Variants in ZNF738 observed in about 807,000 individuals in gnomAD.
The protein encoded by ZNF738 is zinc finger protein 738.
ZNF738 carries 10 observed loss-of-function variants against 9.2 expected under a neutral mutation model. The observed-to-expected ratio is 1.09, with a 90% confidence interval of 0.67 to 1.85. ZNF738 has a LOEUF of 1.85. ZNF738 is among the 40% of genes most tolerant of loss of function. The pLI is 0.00. For missense variants in ZNF738, 346 were observed against 283.6 expected (o/e 1.22, Z -1.58); for synonymous variants, 113 against 94.5 (o/e 1.20, Z -1.14).
At chr19:21,366,883 C>T (rs1231923056) in intron 2 of ZNF738, among the ~76,000 whole-genome samples, 2 of 152,120 alleles carry the variant, frequency 1.3e-5, no homozygotes, top group African/African-American at 4.8e-5. Context: ...TTCTTTACTG[C>T]AAGCTATTTT....
At position 21,362,515 on chromosome 19, in the gene ZNF738, T is replaced by C. The variant is rs1044159282; in HGVS notation, c.96+657T>C. Among the ~76,000 whole-genome samples the C allele has an allele frequency of 4.6e-5, 7 of 152,286 alleles. No individual in the cohort carries two copies. In the East Asian group the frequency reaches 5.8e-4, roughly 13 times the overall value. On this transcript the variant is annotated intron_variant, in intron 2 of 4. Coordinates refer to ENST00000683779, the MANE Select transcript of ZNF738 (RefSeq NM_001355237.2). ...TGGAAGGATCTCTCAAGTGATTGAA[T>C]GGCCTGACTTGAAACGTGAGTCAGA... is the stretch of plus-strand genomic sequence containing the variant.
chr19:21,363,664 G>A (rs1027435423), intron 2 of ZNF738, among the ~76,000 whole-genome samples: 4 of 151,928 alleles, frequency 2.6e-5, no homozygotes, highest in Admixed American at 6.6e-5. Flanking sequence ...CAAGGTGGGC[G>A]GATCACCTGA....
intron 4 of ZNF738, chr19:21,376,219 AGT>A (rs1200854582): frequency 3.1e-6 from 1 of 325,344 alleles, no homozygotes; most frequent in Non-Finnish European, 5.8e-6. Flanking sequence ...TCAAGTTCAC[AGT>A]GAGAGCCAGA....
intron 3 of ZNF738, 80 bp downstream of exon 3, chr19:21,375,444 G>A (rs1371956894): frequency 6.6e-6 from 4 of 605,116 alleles, no homozygotes; most frequent in Non-Finnish European, 1.2e-5. Flanking sequence ...ATTTTTGGTA[G>A]TTTATGCTTT....
At chr19:21,375,130 C>G (rs1973908062) in intron 2 of ZNF738, 108 bp from the exon 3 acceptor site, 1 of 601,170 alleles carries the variant, frequency 1.7e-6, no homozygotes, top group Admixed American at 3.0e-5. Flanking sequence ...TTCAGTTATT[C>G]CTGTAAGTCA....
At chr19:21,382,595 A>T (rs958306237) in intron 4 of ZNF738, among the ~76,000 whole-genome samples, 1 of 152,070 alleles carries the variant, frequency 6.6e-6, no homozygotes, top group African/African-American at 2.4e-5. Flanking sequence ...GTGTTGGGTA[A>T]GTGTAACAAA....
rs940613801 is a variant in ZNF738 at position 21,384,138 on chromosome 19, A to G, written c.*464A>G. The G allele has an allele frequency of 1.7e-5, 26 of 1,485,888 alleles. No homozygotes were observed. Among genetic ancestry groups the G allele is most frequent in the Non-Finnish European group, 2.2e-5 (24 of 1,068,538 alleles). 92.0% of individuals were successfully genotyped at this position (1,485,888 alleles called of 1,614,324 possible). ...ATTATCTTATCTTACTACACATAAGATGATTCATACTGTAGAGAAACGCTA... is the reference window on the plus strand; with the variant it reads ...ATTATCTTATCTTACTACACATAAGGTGATTCATACTGTAGAGAAACGCTA... On this transcript the variant is annotated 3_prime_UTR_variant, in exon 5 of 5. Coordinates refer to ENST00000683779, the MANE Select transcript of ZNF738 (RefSeq NM_001355237.2).
Position 21,376,060 on chromosome 19 carries a change from G to A in ZNF738, c.319+96G>A, listed in dbSNP as rs1361768857. 2.4e-5 allele frequency: 13 copies of A among 551,802 alleles called. No individual in the cohort carries two copies. In the Admixed American group the frequency reaches 3.0e-4, roughly 13 times the overall value. 34.2% of individuals were successfully genotyped at this position (551,802 alleles called of 1,614,324 possible). A position where few individuals can be genotyped will look rare whatever the true frequency, so the allele number is the denominator to read the frequency against. ...CCTATAATGTGATTTGGGAAGCTGT[G>A]TTCCAAAGCAAATAGATTCTGGGAA... On this transcript the variant is annotated intron_variant, in intron 4 of 4. Coordinates refer to ENST00000683779, the MANE Select transcript of ZNF738 (RefSeq NM_001355237.2).
intron 4 of ZNF738, chr19:21,382,067 T>TTTTC (rs1432099074): frequency 1.4e-3 from 15 of 10,754 alleles, no homozygotes; most frequent in African/African-American, 2.2e-3. Context: ...TCTTTCTTTC[T>TTTTC]TTTTTTTTTT....
At position 21,387,443 on chromosome 19, in the gene ZNF738, GC is replaced by G. The variant is rs1260451395; in HGVS notation, c.*3771del. On this transcript the variant is annotated 3_prime_UTR_variant, in exon 5 of 5. Coordinates refer to ENST00000683779, the MANE Select transcript of ZNF738 (RefSeq NM_001355237.2). The stretch of plus-strand genomic sequence containing the variant: ...ACCTCAGGTGATCCGCCCACCTCGG[GC>G]CTCCCAAAGTGCTGGGATTACAGGC... 2.6e-5 allele frequency among the ~76,000 whole-genome samples: 4 copies of G among 151,998 alleles called. No individual in the cohort carries two copies. The highest frequency in any genetic ancestry group is 4.4e-5 in the Non-Finnish European group (3 of 68,016).
At chr19:21,369,845 G>A (rs573300843) in intron 2 of ZNF738, among the ~76,000 whole-genome samples, 33 of 148,154 alleles carry the variant, frequency 2.2e-4, no homozygotes, top group Admixed American at 2.0e-3. Flanking sequence ...ACATAGTCTC[G>A]CACTCTCTCA....
At position 21,386,844 on chromosome 19, in the gene ZNF738, A is replaced by G. The variant is rs1974073951; in HGVS notation, c.*3170A>G. On this transcript the variant is annotated 3_prime_UTR_variant, in exon 5 of 5. Transcript: ENST00000683779. ...TGCCTCAGCCTCCCGAGTAGCTGGG[A>G]TTACAGGCATGCACCACTATACCCA... 5.9e-6 allele frequency: 1 copy of G among 169,926 alleles called. No homozygotes were observed. Among genetic ancestry groups the G allele is most frequent in the Admixed American group, 5.8e-5 (1 of 17,240 alleles). 10.5% of individuals were successfully genotyped at this position (169,926 alleles called of 1,614,324 possible).
At chr19:21,364,033 C>T (rs1232329295) in intron 2 of ZNF738, among the ~76,000 whole-genome samples, 1 of 151,406 alleles carries the variant, frequency 6.6e-6, no homozygotes, top group Non-Finnish European at 1.5e-5. Flanking sequence ...CCCGTCTCTA[C>T]TAAAAATACA....
chr19:21,380,347 C>T (rs1212967411), intron 4 of ZNF738, among the ~76,000 whole-genome samples: 4 of 152,188 alleles, frequency 2.6e-5, no homozygotes, highest in African/African-American at 9.6e-5. Context: ...GACCATTTGC[C>T]TTCACTGACT....
intron 2 of ZNF738, chr19:21,372,707 G>C (rs1270061286): frequency 6.6e-6 from 1 of 152,076 alleles, no homozygotes; most frequent in African/African-American, 2.4e-5. Context: ...TGAACACTTA[G>C]TATGAACTTT....
chr19:21,364,844 C>A (rs1229691937), intron 2 of ZNF738, among the ~76,000 whole-genome samples: 1 of 144,044 alleles, frequency 6.9e-6, no homozygotes, highest in Admixed American at 7.2e-5. Context: ...CTTCTGGGTT[C>A]AAGTGATTCT....
At chr19:21,360,448 TTTTG>T (rs1475246792) in intron 1 of ZNF738, 2 of 152,576 alleles carry the variant, frequency 1.3e-5, no homozygotes, top group African/African-American at 2.4e-5. Flanking sequence ...ATTTGTGTTT[TTTTG>T]TTTGTTTTGT....
intron 4 of ZNF738, among the ~76,000 whole-genome samples, chr19:21,376,983 C>A (rs1003413392): frequency 3.3e-5 from 5 of 152,024 alleles, no homozygotes; most frequent in Admixed American, 3.3e-4. Flanking sequence ...TCCTCATATT[C>A]TTGAGGACTC....
At chr19:21,374,320 A>G (rs1973897956) in intron 2 of ZNF738, among the ~76,000 whole-genome samples, 1 of 152,206 alleles carries the variant, frequency 6.6e-6, no homozygotes, top group Admixed American at 6.5e-5. Flanking sequence ...GTTATTAAAA[A>G]TTACAGAACA....
Sources: allele counts gnomAD v4.1 joint callset (sites outside exome capture counted in the v4.1 genomes callset), GRCh38; gene constraint gnomAD v4.1.1; transcripts MANE v1.5; gene names NCBI Gene and HGNC (gene_info 2026-07-23, HGNC 2026-07-21).